The following PITRM1 variants were observed in gnomAD, a reference collection of about 807,000 sequenced individuals.
PITRM1 encodes the protein pitrilysin metallopeptidase 1.
In PITRM1, 100 loss-of-function variants were observed where a neutral mutation model predicts 129.9. The observed-to-expected ratio is 0.77, with a 90% CI of 0.65 to 0.91. The LOEUF (loss-of-function observed/expected upper bound fraction) is 0.91. PITRM1 is among the 40% of genes least tolerant of loss of function. The probability of loss-of-function intolerance (pLI) is 0.00; values close to 1 mark genes in which losing one functional copy is unlikely to be tolerated. For synonymous variants in PITRM1, 591 were observed against 508.8 expected (o/e 1.16, Z -2.17); for missense variants, 1,471 against 1,318.3 (o/e 1.12, Z -1.79).
chr10:3,146,274 C>A (rs1282777355), intron 20 of PITRM1: 1 of 153,698 alleles, frequency 6.5e-6, no homozygotes, highest in East Asian at 1.9e-4. Context: ...AGCTGTAAAT[C>A]CTGAACTTAT....
In PITRM1 at chr10:3,155,590, C is replaced by T; in HGVS notation, c.1621+1G>A. 1.2e-6 allele frequency: 2 copies of T among 1,613,910 alleles called. No individual in the cohort carries two copies. The highest frequency in any genetic ancestry group is 1.7e-6 in the Non-Finnish European group (2 of 1,179,868). On this transcript the variant is annotated splice_donor_variant, in intron 14 of 26. Transcript: ENST00000224949. LOFTEE classifies it high-confidence loss of function. The stretch of plus-strand genomic sequence containing the variant: ...CGCCAGCTCGGAAGGAAGCCTCTGA[C>T]CTTTCTCGTAGATCTGCTGCCTGTC...
At chr10:3,143,987 G>C in intron 22 of PITRM1, 1 of 543,968 alleles carries the variant, frequency 1.8e-6, no homozygotes, top group Non-Finnish European at 3.3e-6. Flanking sequence ...TCAAAGAAGG[G>C]TGAGTTGCCC....
intron 4 of PITRM1, among the ~76,000 whole-genome samples, chr10:3,165,973 T>A (rs1183357107): frequency 2.0e-5 from 3 of 152,206 alleles, no homozygotes; most frequent in African/African-American, 7.2e-5. Flanking sequence ...TAGCGATATC[T>A]CCAAGAGAAA....
intron 2 of PITRM1, among the ~76,000 whole-genome samples, chr10:3,168,199 G>A (rs1202600565): frequency 6.6e-6 from 1 of 152,120 alleles, no homozygotes; most frequent in African/African-American, 2.4e-5. Context: ...TAGGGAGCCT[G>A]CCACGCAACA....
At position 3,141,169 on chromosome 10, in the gene PITRM1, G is replaced by A. The variant is rs141863452; in HGVS notation, c.2646-357C>T. Among the ~76,000 whole-genome samples, 189 of 152,314 alleles carry A rather than the reference G, an allele frequency of 1.2e-3. 5 individuals carry two copies. The East Asian group carries it at 0.033, about 26-fold the overall frequency. ...TTGCCCAGGCTGGTCTCAAACACCT[G>A]GCTTCAAGTGATCCTCCTGCCTTCA... On this transcript the variant is annotated intron_variant, in intron 23 of 26. Coordinates refer to ENST00000224949, the MANE Select transcript of PITRM1 (RefSeq NM_014889.4).
intron 2 of PITRM1, chr10:3,168,109 C>T (rs1843023248): frequency 6.6e-6 from 1 of 152,294 alleles, no homozygotes; most frequent in Non-Finnish European, 1.5e-5. Flanking sequence ...CCCCTCCTGC[C>T]AGGTGCCATG....
rs756417257 is a variant in PITRM1 at position 3,155,574 on chromosome 10, G to A, written c.1621+17C>T. 1.2e-5 allele frequency: 19 copies of A among 1,613,472 alleles called. No individual in the cohort carries two copies. The highest frequency in any genetic ancestry group is 6.7e-5 in the East Asian group (3 of 44,872). ...GTGCAGGTTAGGGACTCGCCAGCTC[G>A]GAAGGAAGCCTCTGACCTTTCTCGT... On this transcript the variant is annotated intron_variant, in intron 14 of 26. Transcript: ENST00000224949.
At chr10:3,169,431 G>A (rs143811900) in intron 2 of PITRM1, among the ~76,000 whole-genome samples, 92 of 152,244 alleles carry the variant, frequency 6.0e-4, no homozygotes, top group Middle Eastern at 3.4e-3. Flanking sequence ...TCCGCGTGGC[G>A]TCCACCATGT....
At chr10:3,160,590 A>G (rs994705051) in intron 7 of PITRM1, among the ~76,000 whole-genome samples, 1 of 152,178 alleles carries the variant, frequency 6.6e-6, no homozygotes, top group Non-Finnish European at 1.5e-5. Flanking sequence ...CGCTGTGCCT[A>G]ATTTATAAAT....
intron 15 of PITRM1, among the ~76,000 whole-genome samples, chr10:3,150,248 T>G (rs1162580558): frequency 6.9e-6 from 1 of 144,538 alleles, no homozygotes; most frequent in African/African-American, 2.4e-5. Context: ...TGTCCCTACC[T>G]AGCAGAGCAC....
chr10:3,148,079 C>T lies in PITRM1; in HGVS notation c.1993-16G>A. The stretch of plus-strand genomic sequence containing the variant: ...AAAGCACACCCTGAACCAAAGAAAA[C>T]ACAGAAGAAAGGAATTAGGGCCGAA... On this transcript the variant is annotated splice_polypyrimidine_tract_variant and intron_variant, in intron 17 of 26. Coordinates refer to ENST00000224949, the MANE Select transcript of PITRM1 (RefSeq NM_014889.4). 6.2e-7 allele frequency: 1 copy of T among 1,613,826 alleles called. No homozygotes were observed. Among genetic ancestry groups the T allele is most frequent in the East Asian group, 2.2e-5 (1 of 44,874 alleles).
chr10:3,170,088 C>T lies in PITRM1; in HGVS notation c.159+16G>A, dbSNP rs1397804804. ...TGTATGTGGATTTATAAGGAGGTGC[C>T]GAGGACGACCCATACCTGGTTTACG... On this transcript the variant is annotated intron_variant, in intron 2 of 26. Transcript: ENST00000224949. 10 of 1,581,236 alleles carry T rather than the reference C, an allele frequency of 6.3e-6. No homozygotes were observed. Among genetic ancestry groups the T allele is most frequent in the Non-Finnish European group, 7.8e-6 (9 of 1,150,238 alleles).
chr10:3,159,996 G>A, intron 8 of PITRM1, 60 bp from the exon 9 acceptor site: 2 of 1,312,452 alleles, frequency 1.5e-6, no homozygotes, highest in Non-Finnish European at 2.2e-6. Context: ...AACTACTCTA[G>A]GTTATCTGGA....
chr10:3,166,882 T>C (rs1335110383), intron 3 of PITRM1, 54 bp downstream of exon 3: 2 of 1,082,660 alleles, frequency 1.8e-6, no homozygotes, highest in Non-Finnish European at 2.7e-6. Context: ...AGAATGGACA[T>C]TCCTGATTTA....
At chr10:3,167,711 C>T (rs1233017888) in intron 2 of PITRM1, 1 of 152,384 alleles carries the variant, frequency 6.6e-6, no homozygotes, top group Non-Finnish European at 1.5e-5. Context: ...GTGTCTGTTT[C>T]TGTGCATATC....
In PITRM1 at chr10:3,167,071, T is replaced by C. The variant is rs116361898; in HGVS notation, c.160-29A>G. 1.1e-3 allele frequency: 1,521 copies of C among 1,398,702 alleles called. 17 individuals carry two copies. The African/African-American group carries it at 0.02, about 18-fold the overall frequency. The allele number at this position is 1,398,702 out of a possible 1,614,324, so 86.6% of individuals were successfully genotyped here. A position where few individuals can be genotyped will look rare whatever the true frequency, so the allele number is the denominator to read the frequency against. On this transcript the variant is annotated intron_variant, in intron 2 of 26. Transcript: ENST00000224949. The stretch of plus-strand genomic sequence containing the variant: ...AGTTAACAAGAAAAACACGACCAGT[T>C]AAACTTAGACAAAATGGCCTTTGAA...
chr10:3,139,892 T>A (rs1840006623), intron 24 of PITRM1, among the ~76,000 whole-genome samples: 1 of 152,126 alleles, frequency 6.6e-6, no homozygotes, highest in South Asian at 2.1e-4. Context: ...AAATCAAGAA[T>A]ATTGCTTTAC....
intron 14 of PITRM1, 24 bp downstream of exon 14, chr10:3,155,567 C>T: frequency 6.2e-7 from 1 of 1,613,434 alleles, no homozygotes. Context: ...TAGGGACTCG[C>T]CAGCTCGGAA....
At chr10:3,149,800 C>G in intron 15 of PITRM1, 47 bp from the exon 16 acceptor site, 1 of 1,595,718 alleles carries the variant, frequency 6.3e-7, no homozygotes, top group Non-Finnish European at 8.6e-7. Context: ...CAGTAAAATT[C>G]TAACCACTTG....
Sources: allele counts gnomAD v4.1 joint callset (sites outside exome capture counted in the v4.1 genomes callset), GRCh38; gene constraint gnomAD v4.1.1; transcripts MANE v1.5; gene names NCBI Gene and HGNC (gene_info 2026-07-23, HGNC 2026-07-21).